The following IGF2BP2 variants were observed in gnomAD, a reference collection of about 807,000 sequenced individuals.
IGF2BP2 encodes insulin-like growth factor 2 mRNA-binding protein 2.
Under a neutral mutation model 75.8 loss-of-function variants are expected in IGF2BP2, and 17 were observed. The ratio of observed to expected loss-of-function variants is 0.22; its 90% CI spans 0.15 to 0.34. IGF2BP2 has a LOEUF of 0.34. Among genes scored for constraint, IGF2BP2 ranks in the 10% least tolerant of loss-of-function variants. The pLI is 1.00. For synonymous variants in IGF2BP2, 288 were observed against 295.6 expected (o/e 0.97, Z 0.26); for missense variants, 516 against 772.4 (o/e 0.67, Z 3.93).
At chr3:185,683,409 T>C (rs988628646) in intron 7 of IGF2BP2, among the ~76,000 whole-genome samples, 3 of 151,066 alleles carry the variant, frequency 2.0e-5, no homozygotes, top group African/African-American at 7.4e-5. Flanking sequence ...AAATGATCAA[T>C]AATTTTTTTT....
At chr3:185,662,119 G>A (rs936936951) in intron 10 of IGF2BP2, among the ~76,000 whole-genome samples, 1 of 152,180 alleles carries the variant, frequency 6.6e-6, no homozygotes, top group African/African-American at 2.4e-5. Flanking sequence ...TGAGGTCACA[G>A]GAATGAAAGA....
intron 2 of IGF2BP2, among the ~76,000 whole-genome samples, chr3:185,791,771 T>C (rs538824980): frequency 6.6e-6 from 1 of 152,352 alleles, no homozygotes; most frequent in Admixed American, 6.5e-5. Flanking sequence ...TAGCATCATG[T>C]AACCTATTAT....
intron 3 of IGF2BP2, among the ~76,000 whole-genome samples, chr3:185,697,351 C>T (rs1722718077): frequency 1.3e-5 from 2 of 151,718 alleles, no homozygotes; most frequent in South Asian, 4.2e-4. Flanking sequence ...AGTGATCCTC[C>T]TGCCTTGGCC....
chr3:185,674,920 C>G (rs1268872579), intron 9 of IGF2BP2: 2 of 159,440 alleles, frequency 1.3e-5, no homozygotes, highest in African/African-American at 4.8e-5. Flanking sequence ...TAGTCTCAAC[C>G]TCCTGGGCTC....
intron 5 of IGF2BP2, among the ~76,000 whole-genome samples, chr3:185,691,935 C>T (rs1722004874): frequency 6.6e-6 from 1 of 152,044 alleles, no homozygotes; most frequent in Non-Finnish European, 1.5e-5. Context: ...GACTGGGTCT[C>T]CCTATGTTGT....
chr3:185,672,533 C>T lies in IGF2BP2; in HGVS notation c.1200+8G>A, dbSNP rs1214625871. On this transcript the variant is annotated splice_region_variant and intron_variant, in intron 10 of 15. Transcript: ENST00000382199. ...CATAAGCAAACCTCCACAAGCTGAG[C>T]TACTTACAGTGAAGGGGTGGTAGGG... 5 of 1,609,580 alleles carry T rather than the reference C, an allele frequency of 3.1e-6. No individual in the cohort carries two copies. The highest frequency in any genetic ancestry group is 2.2e-5 in the South Asian group (2 of 90,484).
chr3:185,767,341 T>C (rs1214802250), intron 2 of IGF2BP2, among the ~76,000 whole-genome samples: 1 of 152,224 alleles, frequency 6.6e-6, no homozygotes. Flanking sequence ...GAAATCCTTA[T>C]AATACTACAG....
At chr3:185,778,251 C>T (rs540105283) in intron 2 of IGF2BP2, among the ~76,000 whole-genome samples, 2 of 152,228 alleles carry the variant, frequency 1.3e-5, no homozygotes, top group African/African-American at 4.8e-5. Flanking sequence ...TTCCATCTCA[C>T]GGCACTCACA....
intron 2 of IGF2BP2, among the ~76,000 whole-genome samples, chr3:185,704,587 C>T (rs1181274967): frequency 6.6e-6 from 1 of 152,142 alleles, no homozygotes; most frequent in Non-Finnish European, 1.5e-5. Flanking sequence ...GCAGCTGGGG[C>T]TACAGGCCCA....
At chr3:185,819,627 T>C (rs1741066019) in intron 2 of IGF2BP2, among the ~76,000 whole-genome samples, 1 of 151,982 alleles carries the variant, frequency 6.6e-6, no homozygotes, top group African/African-American at 2.4e-5. Context: ...CAAAGCCAAA[T>C]CAAAAGTAAC....
intron 7 of IGF2BP2, among the ~76,000 whole-genome samples, chr3:185,681,821 C>T (rs1333078300): frequency 6.6e-6 from 1 of 152,146 alleles, no homozygotes; most frequent in Non-Finnish European, 1.5e-5. Flanking sequence ...GGGGAAAGAG[C>T]AGTCTATTCA....
In IGF2BP2 at chr3:185,689,364, G is replaced by A. The variant is rs1335631008; in HGVS notation, c.668C>T (p.Thr223Ile). 1.2e-6 allele frequency: 2 copies of A among 1,613,028 alleles called. No individual in the cohort carries two copies. The change falls in exon 6 of 16, where the codon ACC becomes ATC. Residue 223 changes from threonine (T) to isoleucine (I), a missense_variant. By Grantham distance (89) the Thr-to-Ile change is moderately conservative. Around this residue, in one of 3 missense-constraint regions of IGF2BP2, gnomAD observed 312 missense variants for 474.5 expected, o/e 0.66. Transcript: ENST00000382199. Reference protein sequence around the residue: ...GLTIKNITKQTQSRVDIHRKE... With the variant: ...GLTIKNITKQIQSRVDIHRKE... The stretch of plus-strand genomic sequence containing the variant: ...CCCCACAGGCACGTACCGGGACTGG[G>A]TCTGCTTAGTGATGTTCTTTATGGT...
rs1037788860 is a variant in IGF2BP2 at position 185,809,526 on chromosome 3, A to G, written c.239+13627T>C. ...ATGCCTGTAGTCCCAGCGACTCAGG[A>G]GCCTGAGGTGGGAGGATCACCTGAG... On this transcript the variant is annotated intron_variant, in intron 2 of 15. Transcript: ENST00000382199. 3.3e-5 allele frequency among the ~76,000 whole-genome samples: 5 copies of G among 152,322 alleles called. No homozygotes were observed. The East Asian group carries it at 9.6e-4, about 29-fold the overall frequency.
At chr3:185,700,107 A>ACTAAACAGTGG (rs1308301316) in intron 2 of IGF2BP2, among the ~76,000 whole-genome samples, 3 of 152,108 alleles carry the variant, frequency 2.0e-5, no homozygotes, top group Non-Finnish European at 2.9e-5. Context: ...GGTCAGAGGT[A>ACTAAACAGTGG]CTAAACAGTG....
chr3:185,759,726 G>T (rs1732102424), intron 2 of IGF2BP2, among the ~76,000 whole-genome samples: 1 of 152,214 alleles, frequency 6.6e-6, no homozygotes. Flanking sequence ...TCTCTCAGAA[G>T]TCGCCCATAA....
intron 10 of IGF2BP2, among the ~76,000 whole-genome samples, chr3:185,668,663 A>G (rs1031467337): frequency 1.3e-5 from 2 of 151,400 alleles, no homozygotes; most frequent in African/African-American, 4.8e-5. Flanking sequence ...TTTATGACAT[A>G]AGACACCACA....
At chr3:185,774,226 G>C (rs545691641) in intron 2 of IGF2BP2, among the ~76,000 whole-genome samples, 1 of 152,286 alleles carries the variant, frequency 6.6e-6, no homozygotes, top group Non-Finnish European at 1.5e-5. Context: ...CACAGGGCTT[G>C]CATGGTTTCA....
intron 2 of IGF2BP2, among the ~76,000 whole-genome samples, chr3:185,711,875 CCCTCT>C (rs1238486648): frequency 6.6e-6 from 1 of 152,138 alleles, no homozygotes; most frequent in African/African-American, 2.4e-5. Flanking sequence ...TAAGCTCCTG[CCCTCT>C]CCTCTCACTT....
chr3:185,674,146 G>A (rs767652725), intron 9 of IGF2BP2, among the ~76,000 whole-genome samples: 1 of 152,158 alleles, frequency 6.6e-6, no homozygotes, highest in Non-Finnish European at 1.5e-5. Flanking sequence ...TGCAGTGAGG[G>A]ACCTGGGTTT....
Sources: allele counts gnomAD v4.1 joint callset (sites outside exome capture counted in the v4.1 genomes callset), GRCh38; gene constraint gnomAD v4.1.1; regional missense constraint gnomAD v4.1.1; transcripts MANE v1.5; gene names NCBI Gene and HGNC (gene_info 2026-07-23, HGNC 2026-07-21).